Variants in C3AR1 observed in about 807,000 individuals in gnomAD.
C3AR1 encodes C3a anaphylatoxin chemotactic receptor.
For synonymous variants in C3AR1, 208 were observed against 225.3 expected (o/e 0.92, Z 0.69); for missense variants, 579 against 583.5 (o/e 0.99, Z 0.08).
chr12:8,062,617 G>A (rs1015958049), intron 1 of C3AR1, among the ~76,000 whole-genome samples: 3 of 152,014 alleles, frequency 2.0e-5, no homozygotes, highest in South Asian at 4.1e-4. Context: ...TGGGGCCTAC[G>A]CCTACTGTTC....
rs1947240969 is a variant in C3AR1 at position 8,059,370 on chromosome 12, C to A, written c.816G>T (p.Gly272=). 6.2e-7 allele frequency: 1 copy of A among 1,614,004 alleles called. No homozygotes were observed. Among genetic ancestry groups the A allele is most frequent in the Non-Finnish European group, 8.5e-7 (1 of 1,180,030 alleles). Residue 272 remains glycine, a synonymous_variant, in exon 2 of 2, where the codon GGG becomes GGT. Transcript: ENST00000307637. ...ADVVSPKIPS[G]FPIEDHETSP... is the part of the protein sequence containing the mutation. ...TGGTTTCGTGATCTTCAATAGGAAA[C>A]CCACTGGGGATTTTAGGTGAGACCA...
chr12:8,064,912 C>T (rs1947314885), intron 1 of C3AR1, among the ~76,000 whole-genome samples: 2 of 151,862 alleles, frequency 1.3e-5, no homozygotes, highest in South Asian at 2.1e-4. Flanking sequence ...TAGGGTCTTG[C>T]TATGTTGCCC....
At chr12:8,061,202 T>G (rs1281893321) in intron 1 of C3AR1, among the ~76,000 whole-genome samples, 2 of 152,096 alleles carry the variant, frequency 1.3e-5, no homozygotes. Context: ...GACCGTAACT[T>G]GGGAAAAGAG....
intron 1 of C3AR1, among the ~76,000 whole-genome samples, chr12:8,062,103 TTTTC>T (rs1947279983): frequency 2.0e-5 from 3 of 152,324 alleles, no homozygotes; most frequent in Middle Eastern, 6.8e-3. Context: ...TGGGTCAGAA[TTTTC>T]TTTCTTTTTA....
Position 8,059,295 on chromosome 12 carries a change from G to A in C3AR1, c.891C>T (p.Phe297=). 3 of 1,614,170 alleles carry A rather than the reference G, an allele frequency of 1.9e-6. No homozygotes were observed. The highest frequency in any genetic ancestry group is 1.3e-5 in the African/African-American group (1 of 75,044). ...DAFLSTHLKL[F]PSASSNSFYE... ...AGAAGGAATTGCTAGAAGCGCTAGG[G>A]AACAGCTTTAAATGAGTAGAGAGAA... Residue 297 remains phenylalanine (F), a synonymous_variant, in exon 2 of 2, where the codon TTC becomes TTT. Coordinates refer to ENST00000307637, the MANE Select transcript of C3AR1 (RefSeq NM_004054.4).
Position 8,058,590 on chromosome 12 carries a change from G to T in C3AR1, c.*147C>A. On this transcript the variant is annotated 3_prime_UTR_variant, in exon 2 of 2. Transcript: ENST00000307637. ...TAACAAGTTTCTAGGTGATGCTGAT[G>T]TCAATAGTCTGTGTACCGTTTGAGA... 1 of 845,718 alleles carries T rather than the reference G, an allele frequency of 1.2e-6. No homozygotes were observed. The highest frequency in any genetic ancestry group is 1.8e-6 in the Non-Finnish European group (1 of 542,372). The allele number at this position is 845,718 out of a possible 1,614,324, so 52.4% of individuals were successfully genotyped here. A position where few individuals can be genotyped will look rare whatever the true frequency, so the allele number is the denominator to read the frequency against.
Position 8,058,523 on chromosome 12 carries a change from C to T in C3AR1, c.*214G>A, listed in dbSNP as rs2120375300. ...GCTGGGTCCCAACCCCCAGAGATTC[C>T]GATTCAGCAAGTCTGGGATGCGGCT... On this transcript the variant is annotated 3_prime_UTR_variant, in exon 2 of 2. Transcript: ENST00000307637. 12 of 542,190 alleles carry T rather than the reference C, an allele frequency of 2.2e-5. No homozygotes were observed. The highest frequency in any genetic ancestry group is 3.2e-5 in the Non-Finnish European group (10 of 313,196). The allele number at this position is 542,190 out of a possible 1,614,324, so 33.6% of individuals were successfully genotyped here. A position where few individuals can be genotyped will look rare whatever the true frequency, so the allele number is the denominator to read the frequency against.
At position 8,059,186 on chromosome 12, in the gene C3AR1, C is replaced by A. The variant is rs376260680; in HGVS notation, c.1000G>T (p.Val334Leu). Residue 334 changes from valine to leucine, a missense_variant, in exon 2 of 2, where the codon GTG (valine) becomes TTG (leucine). Val to Leu is a conservative substitution (Grantham distance 32). Transcript: ENST00000307637. ...TDDDQVPTPLVAITITRLVVG... is the reference protein window; with the variant it reads ...TDDDQVPTPLLAITITRLVVG... Reference sequence around the variant, plus strand: ...ACTAGCCTAGTGATCGTTATTGCCACGAGGGGTGTTGGCACTTGATCGTCA... The same window carrying A: ...ACTAGCCTAGTGATCGTTATTGCCAAGAGGGGTGTTGGCACTTGATCGTCA... 5 of 1,614,108 alleles carry A rather than the reference C, an allele frequency of 3.1e-6. No homozygotes were observed. The highest frequency in any genetic ancestry group is 4.2e-6 in the Non-Finnish European group (5 of 1,180,010).
chr12:8,062,949 CTTTTT>C (rs71451936), intron 1 of C3AR1, among the ~76,000 whole-genome samples: 2 of 56,324 alleles, frequency 3.6e-5, no homozygotes, highest in East Asian at 5.0e-4. Flanking sequence ...GCGCCCGGCC[CTTTTT>C]TTTTTTTTTT....
Position 8,059,023 on chromosome 12 carries a change from A to T in C3AR1, c.1163T>A (p.Val388Asp), listed in dbSNP as rs1257350023. ...AAAAATGTGGTATGGAGTCCAGCAG[A>T]CAAGAAAGACAGCCACCACCACCAC... ...VAVVVVAVFLVCWTPYHIFGV... is the reference protein window; with the variant it reads ...VAVVVVAVFLDCWTPYHIFGV... The change falls in exon 2 of 2, where the codon GTC becomes GAC. Residue 388 changes from valine (V) to aspartate (D), a missense_variant. Val to Asp is a radical substitution (Grantham distance 152). Coordinates refer to ENST00000307637, the MANE Select transcript of C3AR1 (RefSeq NM_004054.4). 1.2e-6 allele frequency: 2 copies of T among 1,614,098 alleles called. No homozygotes were observed. The highest frequency in any genetic ancestry group is 2.7e-5 in the African/African-American group (2 of 74,948).
In C3AR1 at chr12:8,059,329, G is replaced by A; in HGVS notation, c.857C>T (p.Ser286Phe). The A allele has an allele frequency of 6.2e-7, 1 of 1,614,240 alleles. No individual in the cohort carries two copies. The highest frequency in any genetic ancestry group is 8.5e-7 in the Non-Finnish European group (1 of 1,180,048). The change falls in exon 2 of 2, where the codon TCT (serine) becomes TTT (phenylalanine). Residue 286 changes from serine (S) to phenylalanine (F), a missense_variant. Physicochemically the swap from Ser to Phe is radical, Grantham distance 155 (BLOSUM62 -2). Transcript: ENST00000307637. ...TAAATGAGTAGAGAGAAAAGCATCA[G>A]AGTTATCCAGTGGGCTGGTTTCGTG... ...EDHETSPLDN[S>F]DAFLSTHLKL...
At chr12:8,063,771 G>A (rs1269384280) in intron 1 of C3AR1, among the ~76,000 whole-genome samples, 1 of 151,886 alleles carries the variant, frequency 6.6e-6, no homozygotes, top group Admixed American at 6.6e-5. Context: ...AGACACCAAG[G>A]TTAAAGATTA....
chr12:8,061,822 T>G (rs1947277541), intron 1 of C3AR1, among the ~76,000 whole-genome samples: 1 of 152,212 alleles, frequency 6.6e-6, no homozygotes, highest in African/African-American at 2.4e-5. Context: ...TTCACCATTT[T>G]TAAGTACACA....
At chr12:8,065,133 T>C (rs1252931121) in intron 1 of C3AR1, among the ~76,000 whole-genome samples, 1 of 140,534 alleles carries the variant, frequency 7.1e-6, no homozygotes, top group Non-Finnish European at 1.5e-5. Context: ...GTTAGGCAAA[T>C]GCTGTTTTTA....
Position 8,059,064 on chromosome 12 carries a change from T to A in C3AR1, c.1122A>T (p.Lys374Asn). The A allele has an allele frequency of 6.2e-7, 1 of 1,614,064 alleles. No homozygotes were observed. The highest frequency in any genetic ancestry group is 8.5e-7 in the Non-Finnish European group (1 of 1,179,998). Reference protein sequence around the residue: ...QRGRFAKSQSKTFRVAVVVVA... With the variant: ...QRGRFAKSQSNTFRVAVVVVA... ...CCACCACCACGGCCACTCGAAAGGT[T>A]TTGCTCTGAGACTTGGCGAAGCGGC... Residue 374 changes from lysine to asparagine, a missense_variant, in exon 2 of 2, where the codon AAA (lysine) becomes AAT (asparagine). Coordinates refer to ENST00000307637, the MANE Select transcript of C3AR1 (RefSeq NM_004054.4).
Position 8,059,008 on chromosome 12 carries a change from TA to T in C3AR1, c.1177del (p.Tyr393ThrfsTer21). 2 of 1,614,072 alleles carry T rather than the reference TA, an allele frequency of 1.2e-6. No homozygotes were observed. Among genetic ancestry groups the T allele is most frequent in the South Asian group, 2.2e-5 (2 of 91,082 alleles). The part of the protein sequence containing the change: ...VAVFLVCWTP[Y>X]HIFGVLSLLT... Reference sequence around the variant, plus strand: ...CAATGACAGGACTCCAAAAATGTGGTATGGAGTCCAGCAGACAAGAAAGACA... The same window carrying T: ...CAATGACAGGACTCCAAAAATGTGGTTGGAGTCCAGCAGACAAGAAAGACA... On this transcript the variant is annotated frameshift_variant, in exon 2 of 2. Coordinates refer to ENST00000307637, the MANE Select transcript of C3AR1 (RefSeq NM_004054.4). LOFTEE classifies it low-confidence loss of function (END_TRUNC).
rs1374379964 is a variant in C3AR1 at position 8,058,940 on chromosome 12, A to C, written c.1246T>G (p.Trp416Gly). 6.2e-7 allele frequency: 1 copy of C among 1,614,214 alleles called. No individual in the cohort carries two copies. The highest frequency in any genetic ancestry group is 2.2e-5 in the East Asian group (1 of 44,886). Residue 416 changes from tryptophan to glycine, a missense_variant, in exon 2 of 2, where the codon TGG (tryptophan) becomes GGG (glycine). Coordinates refer to ENST00000307637, the MANE Select transcript of C3AR1 (RefSeq NM_004054.4). The stretch of plus-strand genomic sequence containing the variant: ...GCTAGAGCAATGCATACATGATCCC[A>C]GGACATCAGAGTTTTCCCCAAGGGA... ...ETPLGKTLMS[W>G]DHVCIALASA... is the part of the protein sequence containing the mutation.
In C3AR1 at chr12:8,056,899, T is replaced by C. The variant is rs1780601484; in HGVS notation, c.*1838A>G. ...ATGAGAAAAAAAGCATTTATTCATATCAAATATATAAGCAAATTAATATAT... is the reference window on the plus strand; with the variant it reads ...ATGAGAAAAAAAGCATTTATTCATACCAAATATATAAGCAAATTAATATAT... On this transcript the variant is annotated 3_prime_UTR_variant, in exon 2 of 2. Transcript: ENST00000307637. Among the ~76,000 whole-genome samples, 1 of 152,220 alleles carries C rather than the reference T, an allele frequency of 6.6e-6. No homozygotes were observed. The highest frequency in any genetic ancestry group is 2.4e-5 in the African/African-American group (1 of 41,454).
intron 1 of C3AR1, among the ~76,000 whole-genome samples, chr12:8,063,696 A>G (rs1231503814): frequency 6.6e-6 from 1 of 152,174 alleles, no homozygotes; most frequent in Non-Finnish European, 1.5e-5. Flanking sequence ...TTTAAACTTT[A>G]TGATGGTAAA....
Sources: gnomAD v4.1 joint callset for allele counts (sites outside exome capture counted in the v4.1 genomes callset) on GRCh38, gnomAD v4.1.1 for gene constraint, MANE v1.5 for transcripts, NCBI Gene and HGNC (gene_info 2026-07-23, HGNC 2026-07-21) for gene names.